Variants in TRAPPC3L observed in about 807,000 individuals in gnomAD.
TRAPPC3L encodes the protein trafficking protein particle complex subunit 3L, also known as trafficking protein particle complex subunit 3-like protein.
A neutral mutation model predicts 23.7 loss-of-function variants in TRAPPC3L; 23 were observed. The ratio of observed to expected loss-of-function variants is 0.97; its 90% CI spans 0.70 to 1.37. The LOEUF (loss-of-function observed/expected upper bound fraction) is 1.37, where lower values mean the gene tolerates loss of function less well. Among genes scored for constraint, TRAPPC3L ranks in the 40% most tolerant of loss-of-function variants. The pLI, the probability that TRAPPC3L is intolerant of heterozygous loss-of-function variation, is 0.00. For missense variants in TRAPPC3L, 212 were observed against 216.8 expected (o/e 0.98, Z 0.14); for synonymous variants, 81 against 77.9 (o/e 1.04, Z -0.21).
chr6:116,506,753 A>T (rs979644304), intron 3 of TRAPPC3L, among the ~76,000 whole-genome samples: 6 of 152,102 alleles, frequency 3.9e-5, no homozygotes, highest in African/African-American at 1.4e-4. Context: ...TCTCAACAAG[A>T]TATCATAAGG....
chr6:116,502,975 A>G (rs1771942771), intron 3 of TRAPPC3L, among the ~76,000 whole-genome samples: 1 of 152,198 alleles, frequency 6.6e-6, no homozygotes, highest in African/African-American at 2.4e-5. Flanking sequence ...ACTACTGGGC[A>G]AAATAACCAG....
Position 116,540,370 on chromosome 6 carries a change from A to G in TRAPPC3L, c.233T>C (p.Ile78Thr). The G allele has an allele frequency of 1.3e-6, 2 of 1,550,948 alleles. No individual in the cohort carries two copies. The highest frequency in any genetic ancestry group is 2.4e-5 in the South Asian group (2 of 83,958). The change falls in exon 3 of 5, where the codon ATT becomes ACT. Residue 78 changes from isoleucine (I) to threonine (T), a missense_variant. Coordinates refer to ENST00000368602, the MANE Select transcript of TRAPPC3L (RefSeq NM_001139444.3). ...CHSYSEIIDI[I>T]AQVAFKMYLG... ...AGATAAAAACATAGTTACCTGGGCA[A>G]TTATGTCTATAATTTCTGAATAACT... is the stretch of plus-strand genomic sequence containing the variant.
chr6:116,497,140 T>C, intron 4 of TRAPPC3L, 67 bp from the exon 5 acceptor site: 1 of 1,488,280 alleles, frequency 6.7e-7, no homozygotes. Flanking sequence ...ATTTTCTCAG[T>C]CTTTTTTCAG....
intron 3 of TRAPPC3L, chr6:116,512,248 C>A: frequency 6.3e-7 from 1 of 1,580,630 alleles, no homozygotes; most frequent in Admixed American, 1.7e-5. Context: ...TAAGAAAAGA[C>A]AAACTCGCCT....
chr6:116,540,279 G>T, intron 3 of TRAPPC3L, 84 bp downstream of exon 3: 1 of 1,299,562 alleles, frequency 7.7e-7, no homozygotes, highest in Non-Finnish European at 1.1e-6. Context: ...GATGGAACCT[G>T]TCCAATCTGA....
chr6:116,545,408 T>C (rs1773719732), intron 1 of TRAPPC3L, 65 bp downstream of exon 1: 2 of 1,406,262 alleles, frequency 1.4e-6, no homozygotes, highest in African/African-American at 1.5e-5. Context: ...TTAAAATCAA[T>C]CAGAAATCAC....
chr6:116,512,411 C>A, intron 3 of TRAPPC3L: 1 of 695,458 alleles, frequency 1.4e-6, no homozygotes, highest in Non-Finnish European at 2.3e-6. Context: ...GGCTGGGTGG[C>A]TCAATAAAGT....
intron 4 of TRAPPC3L, among the ~76,000 whole-genome samples, chr6:116,497,758 A>G (rs1013606237): frequency 2.0e-5 from 3 of 152,144 alleles, no homozygotes; most frequent in African/African-American, 7.2e-5. Flanking sequence ...CCTACCCCCA[A>G]TAGTGTATTT....
At chr6:116,520,090 T>G (rs1413965194) in intron 3 of TRAPPC3L, 3 of 152,204 alleles carry the variant, frequency 2.0e-5, no homozygotes, top group African/African-American at 7.2e-5. Context: ...GTTTTCTACT[T>G]GAGACCTTTA....
intron 3 of TRAPPC3L, among the ~76,000 whole-genome samples, chr6:116,504,434 C>G (rs1232969160): frequency 6.6e-6 from 1 of 152,130 alleles, no homozygotes; most frequent in Non-Finnish European, 1.5e-5. Flanking sequence ...GGATTCACAG[C>G]CAAATTCTAC....
intron 3 of TRAPPC3L, among the ~76,000 whole-genome samples, chr6:116,531,231 C>A (rs947296867): frequency 6.6e-6 from 1 of 151,856 alleles, no homozygotes; most frequent in Non-Finnish European, 1.5e-5. Context: ...TAAAGACTCT[C>A]TTTTTGGGAC....
chr6:116,498,008 C>T (rs1771858572), intron 4 of TRAPPC3L, among the ~76,000 whole-genome samples: 1 of 152,136 alleles, frequency 6.6e-6, no homozygotes, highest in African/African-American at 2.4e-5. Context: ...GCAATGCCTA[C>T]CATTTAACAG....
At chr6:116,525,103 A>G (rs1772420273) in intron 3 of TRAPPC3L, among the ~76,000 whole-genome samples, 1 of 152,198 alleles carries the variant, frequency 6.6e-6, no homozygotes, top group South Asian at 2.1e-4. Flanking sequence ...GCCTCATTTT[A>G]GTATATTCTT....
rs1491547680 is a variant in TRAPPC3L at position 116,544,150 on chromosome 6, GAA to G, written c.43-752_43-751del. Among the ~76,000 whole-genome samples, 5 of 62,290 alleles carry G rather than the reference GAA, an allele frequency of 8.0e-5. No homozygotes were observed. The South Asian group carries it at 1.3e-3, about 16-fold the overall frequency. 40.9% of individuals were successfully genotyped at this position (62,290 alleles called of 152,430 possible). On this transcript the variant is annotated intron_variant, in intron 1 of 4. Transcript: ENST00000368602. ...CAGCATAAAGATAAGCAAAGGTGAA[GAA>G]GAGAGAGAGAGAGAGAGAGAGAGAG...
rs565227759 is a variant in TRAPPC3L at position 116,533,018 on chromosome 6, C to T, written c.240+7345G>A. Among the ~76,000 whole-genome samples the T allele has an allele frequency of 9.8e-5, 15 of 152,332 alleles. No individual in the cohort carries two copies. The East Asian group carries it at 1.7e-3, about 18-fold the overall frequency. On this transcript the variant is annotated intron_variant, in intron 3 of 4. Coordinates refer to ENST00000368602, the MANE Select transcript of TRAPPC3L (RefSeq NM_001139444.3). ...ATTTAAAGCCTATGAGACCCACTGG[C>T]AGGCTTTAAGTCTAAGCCCCCAGCT...
intron 2 of TRAPPC3L, among the ~76,000 whole-genome samples, chr6:116,541,675 TTAAC>T (rs1161496899): frequency 6.6e-6 from 1 of 152,212 alleles, no homozygotes; most frequent in Non-Finnish European, 1.5e-5. Context: ...GCAAAGACTT[TTAAC>T]AATCAAAATG....
intron 3 of TRAPPC3L, among the ~76,000 whole-genome samples, chr6:116,502,805 C>T (rs887746254): frequency 1.3e-5 from 2 of 152,138 alleles, no homozygotes; most frequent in African/African-American, 2.4e-5. Context: ...AAATAAAATC[C>T]TTTTCAGACA....
chr6:116,516,741 A>G (rs1045527542), intron 3 of TRAPPC3L: 1 of 145,842 alleles, frequency 6.9e-6, no homozygotes, highest in Non-Finnish European at 1.5e-5. Context: ...TTATAACTGC[A>G]TTGATAAAAG....
At chr6:116,513,337 G>T (rs1772161825) in intron 3 of TRAPPC3L, among the ~76,000 whole-genome samples, 1 of 152,112 alleles carries the variant, frequency 6.6e-6, no homozygotes, top group South Asian at 2.1e-4. Flanking sequence ...AATGCATAAA[G>T]CACATCTTAG....
Sources: gnomAD v4.1 joint callset for allele counts (sites outside exome capture counted in the v4.1 genomes callset) on GRCh38, gnomAD v4.1.1 for gene constraint, MANE v1.5 for transcripts, NCBI Gene and HGNC (gene_info 2026-07-23, HGNC 2026-07-21) for gene names.